ZFHX4: variants seen among roughly 807,000 people sequenced by gnomAD.
ZFHX4 encodes zinc finger homeobox protein 4.
Under a neutral mutation model 267.6 loss-of-function variants are expected in ZFHX4, and 56 were observed. That is an observed-to-expected ratio of 0.21 (90% CI 0.17 to 0.26). ZFHX4 has a LOEUF of 0.26. Among genes scored for constraint, ZFHX4 ranks in the 10% least tolerant of loss-of-function variants. The pLI, the probability that ZFHX4 is intolerant of heterozygous loss-of-function variation, is 1.00. For synonymous variants in ZFHX4, 1,778 were observed against 1,665.6 expected (o/e 1.07, Z -1.64); for missense variants, 4,332 against 4,420.0 (o/e 0.98, Z 0.56).
At chr8:76,860,979 T>C (rs1194772045) in intron 10 of ZFHX4, among the ~76,000 whole-genome samples, 3 of 152,148 alleles carry the variant, frequency 2.0e-5, no homozygotes, top group African/African-American at 4.8e-5. Context: ...GGAGTTATGC[T>C]TGTGGGCCCC....
chr8:76,825,364 A>G (rs1234364120), intron 4 of ZFHX4, among the ~76,000 whole-genome samples: 1 of 152,362 alleles, frequency 6.6e-6, no homozygotes, highest in Non-Finnish European at 1.5e-5. Flanking sequence ...TCAAATAGCT[A>G]GAAACTGGTG....
intron 3 of ZFHX4, among the ~76,000 whole-genome samples, chr8:76,728,741 C>T (rs1165229667): frequency 6.6e-6 from 1 of 152,184 alleles, no homozygotes; most frequent in Admixed American, 6.5e-5. Context: ...ACAACTAACA[C>T]AGTCTGGGAG....
Position 76,851,735 on chromosome 8 carries a change from G to T in ZFHX4, c.4814G>T (p.Ser1605Ile), listed in dbSNP as rs771283403. Residue 1605 changes from serine to isoleucine, a missense_variant, in exon 10 of 11, where the codon AGC becomes ATC. Physicochemically the swap from Ser to Ile is moderately radical, Grantham distance 142 (BLOSUM62 -2). Transcript: ENST00000651372. ...CSICNVAYSQ[S>I]STLEIHMRSV... The stretch of plus-strand genomic sequence containing the variant: ...ATCTGCAATGTTGCATACAGCCAAA[G>T]CTCAACATTGGAAATCCACATGAGG... 15 of 1,613,914 alleles carry T rather than the reference G, an allele frequency of 9.3e-6. No homozygotes were observed. The highest frequency in any genetic ancestry group is 1.7e-5 in the Admixed American group (1 of 60,026).
intron 4 of ZFHX4, among the ~76,000 whole-genome samples, chr8:76,800,560 G>C (rs903443340): frequency 6.6e-6 from 1 of 152,136 alleles, no homozygotes; most frequent in African/African-American, 2.4e-5. Flanking sequence ...TGCTTAATAA[G>C]GGCATTCACT....
chr8:76,686,780 C>G (rs1807702632), intron 1 of ZFHX4, among the ~76,000 whole-genome samples: 1 of 152,206 alleles, frequency 6.6e-6, no homozygotes, highest in Non-Finnish European at 1.5e-5. Context: ...ACTAATCCAT[C>G]TCCCTCTCTT....
intron 5 of ZFHX4, 97 bp downstream of exon 5, chr8:76,833,503 C>A (rs1811992405): frequency 2.1e-6 from 2 of 941,054 alleles, no homozygotes; most frequent in African/African-American, 3.3e-5. Flanking sequence ...TCTGGAACTT[C>A]TCTAATTAGA....
Position 76,856,319 on chromosome 8 carries a change from ACTCAGT to A in ZFHX4, c.9379+22_9379+27del. ...TCAAACAGTAAGTCATTTAAAGGAGACTCAGTCTAGTTAATTAAGTAGCATCAGGTA... is the reference window on the plus strand; with the variant it reads ...TCAAACAGTAAGTCATTTAAAGGAGACTAGTTAATTAAGTAGCATCAGGTA... On this transcript the variant is annotated intron_variant, in intron 10 of 10. Transcript: ENST00000651372. 4 of 1,612,526 alleles carry A rather than the reference ACTCAGT, an allele frequency of 2.5e-6. No homozygotes were observed. The highest frequency in any genetic ancestry group is 3.4e-6 in the Non-Finnish European group (4 of 1,179,284).
rs117905360 is a variant in ZFHX4 at position 76,736,815 on chromosome 8, A to G, written c.3093+28767A>G. 3.7e-3 allele frequency among the ~76,000 whole-genome samples: 556 copies of G among 152,206 alleles called. 12 individuals are homozygous for G. In the East Asian group the frequency reaches 0.065, roughly 18 times the overall value. On this transcript the variant is annotated intron_variant, in intron 3 of 10. Transcript: ENST00000651372. ...ATTTCAAATCGTAAGTTGTCTTTCA[A>G]GTTTTTCAAAAAAGGAAGGTAAAAA...
Position 76,855,373 on chromosome 8 carries a change from G to A in ZFHX4, c.8452G>A (p.Glu2818Lys). 1.2e-6 allele frequency: 2 copies of A among 1,613,614 alleles called. No individual in the cohort carries two copies. The highest frequency in any genetic ancestry group is 1.7e-6 in the Non-Finnish European group (2 of 1,179,808). ...AATCAGTGACGCCACCACCGGAGAC[G>A]AGGGAAACACTGAAATGGAAAGCAC... The part of the protein sequence containing the change: ...TAISDATTGD[E>K]GNTEMESTTG... The change falls in exon 10 of 11, where the codon GAG (glutamate) becomes AAG (lysine). Residue 2818 changes from glutamate to lysine, a missense_variant. Around this residue, in one of 7 missense-constraint regions of ZFHX4, gnomAD observed 1,648 missense variants for 1,625.0 expected, o/e 1.01. Coordinates refer to ENST00000651372, the MANE Select transcript of ZFHX4 (RefSeq NM_024721.5).
intron 10 of ZFHX4, among the ~76,000 whole-genome samples, chr8:76,861,663 G>T (rs1478242026): frequency 3.3e-5 from 5 of 151,940 alleles, no homozygotes; most frequent in African/African-American, 1.2e-4. Context: ...TCTCGGTTGG[G>T]TAAAGATCAA....
chr8:76,783,189 A>G (rs754932435), intron 4 of ZFHX4, among the ~76,000 whole-genome samples: 2 of 152,048 alleles, frequency 1.3e-5, no homozygotes, highest in East Asian at 1.9e-4. Flanking sequence ...TAAGAACATC[A>G]CTTTAACCTG....
At chr8:76,686,187 C>T (rs1317119904) in intron 1 of ZFHX4, among the ~76,000 whole-genome samples, 4 of 152,126 alleles carry the variant, frequency 2.6e-5, no homozygotes, top group East Asian at 1.9e-4. Flanking sequence ...GTGAAATGTT[C>T]CTTCCTAAAA....
rs896930736 is a variant in ZFHX4 at position 76,692,245 on chromosome 8, A to T, written c.-47+10625A>T. Among the ~76,000 whole-genome samples the T allele has an allele frequency of 5.9e-5, 9 of 152,288 alleles. No individual in the cohort carries two copies. In the South Asian group the frequency reaches 1.0e-3, roughly 18 times the overall value. Reference sequence around the variant, plus strand: ...AGATTCCAGACACTCCATTAAATACAATAATAGAAATGACCATAATGCTTA... The same window carrying T: ...AGATTCCAGACACTCCATTAAATACTATAATAGAAATGACCATAATGCTTA... On this transcript the variant is annotated intron_variant, in intron 1 of 10. Coordinates refer to ENST00000651372, the MANE Select transcript of ZFHX4 (RefSeq NM_024721.5).
chr8:76,842,662 A>G lies in ZFHX4; in HGVS notation c.3402A>G (p.Gln1134=), dbSNP rs1297834300. 7 of 1,550,826 alleles carry G rather than the reference A, an allele frequency of 4.5e-6. No homozygotes were observed. Among genetic ancestry groups the G allele is most frequent in the Non-Finnish European group, 5.2e-6 (6 of 1,146,370 alleles). The part of the protein sequence containing the change: ...EQQLRSTSEE[Q]SEEAEGAIKP... Reference sequence around the variant, plus strand: ...GTCTGCCTTTCTTAACAGAAGAACAAAGTGAGGAGGCAGAAGGAGCTATTA... The same window carrying G: ...GTCTGCCTTTCTTAACAGAAGAACAGAGTGAGGAGGCAGAAGGAGCTATTA... Residue 1134 remains glutamine (Q), a synonymous_variant, in exon 6 of 11, where the codon CAA becomes CAG. Transcript: ENST00000651372.
In ZFHX4 at chr8:76,753,084, G is replaced by A. The variant is rs112673536; in HGVS notation, c.3094-25124G>A. On this transcript the variant is annotated intron_variant, in intron 3 of 10. Transcript: ENST00000651372. ...AGGGTCCATCGTTTTCAATAAAAAT[G>A]ATATTAGTATTTCCTTCTGTATTGA... 5.5e-3 allele frequency among the ~76,000 whole-genome samples: 830 copies of A among 152,252 alleles called. 10 individuals are homozygous for A. The highest frequency in any genetic ancestry group is 0.019 in the African/African-American group (779 of 41,546).
intron 4 of ZFHX4, among the ~76,000 whole-genome samples, chr8:76,814,196 G>A (rs1390281560): frequency 6.6e-6 from 1 of 152,084 alleles, no homozygotes; most frequent in Non-Finnish European, 1.5e-5. Context: ...TCAGCCTCCT[G>A]AACAGCTGGG....
At chr8:76,833,017 A>G (rs1487412512) in intron 4 of ZFHX4, among the ~76,000 whole-genome samples, 4 of 152,202 alleles carry the variant, frequency 2.6e-5, no homozygotes, top group African/African-American at 9.6e-5. Flanking sequence ...TCACTATAAC[A>G]CATAATCCTA....
chr8:76,840,339 A>G (rs533182614), intron 5 of ZFHX4, among the ~76,000 whole-genome samples: 106 of 152,222 alleles, frequency 7.0e-4, no homozygotes, highest in African/African-American at 2.3e-3. Flanking sequence ...CTATCCCACA[A>G]TCTTTCCCTG....
intron 6 of ZFHX4, among the ~76,000 whole-genome samples, chr8:76,847,095 G>A (rs920391582): frequency 2.0e-5 from 3 of 152,136 alleles, no homozygotes; most frequent in African/African-American, 7.2e-5. Flanking sequence ...TGATTTAAAT[G>A]GCAATGATTT....
Sources: gnomAD v4.1 joint callset for allele counts (sites outside exome capture counted in the v4.1 genomes callset) on GRCh38, gnomAD v4.1.1 for gene constraint, gnomAD v4.1.1 regional missense constraint, MANE v1.5 for transcripts, NCBI Gene and HGNC (gene_info 2026-07-23, HGNC 2026-07-21) for gene names.